Variants in NFE2L3 observed in about 807,000 individuals in gnomAD.
NFE2L3 encodes the protein NFE2 like bZIP transcription factor 3, also known as nuclear factor erythroid 2-related factor 3.
NFE2L3 carries 18 observed loss-of-function variants against 23.5 expected under a neutral mutation model. The ratio of observed to expected loss-of-function variants is 0.77; its 90% confidence interval spans 0.53 to 1.13. The LOEUF (loss-of-function observed/expected upper bound fraction) is 1.13. Ranked by LOEUF, NFE2L3 falls within the 50% of genes most tolerant of loss-of-function variation. NFE2L3 has a pLI of 0.00. For missense variants in NFE2L3, 1,152 were observed against 877.2 expected (o/e 1.31, Z -3.96); for synonymous variants, 424 against 354.5 (o/e 1.20, Z -2.20).
chr7:26,181,929 G>A (rs968991396), intron 2 of NFE2L3, among the ~76,000 whole-genome samples: 13 of 152,110 alleles, frequency 8.5e-5, no homozygotes, highest in Admixed American at 7.2e-4. Context: ...GAATATACCA[G>A]AGAAGATGCA....
chr7:26,184,419 T>C, intron 3 of NFE2L3, 114 bp from the exon 4 acceptor site: 1 of 914,786 alleles, frequency 1.1e-6, no homozygotes, highest in Non-Finnish European at 1.7e-6. Context: ...ACAGCATCTA[T>C]CTCTATTAAA....
intron 1 of NFE2L3, among the ~76,000 whole-genome samples, chr7:26,169,999 T>C (rs760359205): frequency 1.1e-4 from 17 of 152,202 alleles, no homozygotes; most frequent in Admixed American, 2.6e-4. Flanking sequence ...AGCTATGCAG[T>C]CTCTTCCCCT....
rs1782484953 is a variant in NFE2L3 at position 26,186,270 on chromosome 7, T to C, written c.*487T>C. On this transcript the variant is annotated 3_prime_UTR_variant, in exon 4 of 4. Coordinates refer to ENST00000056233, the MANE Select transcript of NFE2L3 (RefSeq NM_004289.7). ...TTATAAATTTTGCTTTCTATGGAAA[T>C]AAATTTTGTATTTGTATTAAAAATT... 6.6e-6 allele frequency: 1 copy of C among 152,210 alleles called. No homozygotes were observed. The highest frequency in any genetic ancestry group is 2.4e-5 in the African/African-American group (1 of 41,470). The allele number at this position is 152,210 out of a possible 1,614,324, so 9.4% of individuals were successfully genotyped here. A position where few individuals can be genotyped will look rare whatever the true frequency, so the allele number is the denominator to read the frequency against.
chr7:26,180,554 CTTCCCTGAGTA>C (rs1784489492), intron 2 of NFE2L3, among the ~76,000 whole-genome samples: 1 of 152,218 alleles, frequency 6.6e-6, no homozygotes, highest in East Asian at 1.9e-4. Context: ...TTTCTGCCCA[CTTCCCTGAGTA>C]TTCACAGCTC....
In NFE2L3 at chr7:26,176,762, T is replaced by A. The variant is rs28593398; in HGVS notation, c.571-1181T>A. ...GCAGCCGGGCAGAGGCGCTCCTCAC[T>A]TCCCAGACGGGGTGGCCAGGCAGAG... On this transcript the variant is annotated intron_variant, in intron 1 of 3. Transcript: ENST00000056233. Among the ~76,000 whole-genome samples, 509 of 55,384 alleles carry A rather than the reference T, an allele frequency of 9.2e-3. 15 individuals carry two copies. Among genetic ancestry groups the A allele is most frequent in the South Asian group, 0.028 (33 of 1,162 alleles). The allele number at this position is 55,384 out of a possible 152,430, so 36.3% of individuals were successfully genotyped here. A position where few individuals can be genotyped will look rare whatever the true frequency, so the allele number is the denominator to read the frequency against.
intron 2 of NFE2L3, among the ~76,000 whole-genome samples, 165 bp downstream of exon 2, chr7:26,178,287 G>A (rs866940624): frequency 2.8e-4 from 42 of 152,198 alleles, no homozygotes; most frequent in African/African-American, 8.9e-4. Context: ...GTAGTAATTT[G>A]ATTTATAAAT....
chr7:26,173,795 G>A (rs895168458), intron 1 of NFE2L3: 3 of 152,172 alleles, frequency 2.0e-5, no homozygotes, highest in African/African-American at 4.8e-5. Context: ...TCTGGGTTAC[G>A]AAGTGGCCAA....
intron 1 of NFE2L3, among the ~76,000 whole-genome samples, chr7:26,169,464 G>A (rs1790523207): frequency 6.6e-6 from 1 of 152,206 alleles, no homozygotes; most frequent in African/African-American, 2.4e-5. Context: ...TGGGATGTGG[G>A]CACACTGGGA....
At chr7:26,175,354 A>C (rs1419393589) in intron 1 of NFE2L3, among the ~76,000 whole-genome samples, 1 of 151,102 alleles carries the variant, frequency 6.6e-6, no homozygotes, top group Non-Finnish European at 1.5e-5. Context: ...AGTGAGACTC[A>C]AAAAAATAAA....
At chr7:26,165,014 G>T (rs1236257992) in intron 1 of NFE2L3, among the ~76,000 whole-genome samples, 2 of 152,176 alleles carry the variant, frequency 1.3e-5, no homozygotes, top group Admixed American at 6.5e-5. Flanking sequence ...CTATATCTCT[G>T]TTTTGGTACC....
intron 1 of NFE2L3, among the ~76,000 whole-genome samples, chr7:26,168,579 A>G (rs959208109): frequency 6.7e-6 from 1 of 149,412 alleles, no homozygotes; most frequent in African/African-American, 2.4e-5. Flanking sequence ...GAGAGAGATT[A>G]TAGATATATT....
rs919459920 is a variant in NFE2L3, at chr7:26,152,651, C to G, written c.153C>G (p.Gly51=). The G allele has an allele frequency of 1.3e-6, 2 of 1,507,186 alleles. No homozygotes were observed. The highest frequency in any genetic ancestry group is 8.8e-7 in the Non-Finnish European group (1 of 1,136,544). The allele number at this position is 1,507,186 out of a possible 1,614,324, so 93.4% of individuals were successfully genotyped here. A position where few individuals can be genotyped will look rare whatever the true frequency, so the allele number is the denominator to read the frequency against. ...LLQDELLFLG[G]PASSAYALSP... is the part of the protein sequence containing the mutation. ...AGGACGAGCTGCTGTTCCTGGGCGG[C>G]CCGGCCAGCTCCGCCTACGCGCTCA... The change falls in exon 1 of 4, where the codon GGC becomes GGG. Residue 51 remains glycine (G), a synonymous_variant. Coordinates refer to ENST00000056233, the MANE Select transcript of NFE2L3 (RefSeq NM_004289.7). This position sits in a 1 kb window ranked among gnomAD's most constrained non-coding sequence, Gnocchi z 4.4.
At chr7:26,181,444 G>C (rs1784507193) in intron 2 of NFE2L3, among the ~76,000 whole-genome samples, 1 of 152,134 alleles carries the variant, frequency 6.6e-6, no homozygotes, top group Non-Finnish European at 1.5e-5. Flanking sequence ...CTAGGAAATG[G>C]GGACTGGTAC....
Position 26,161,778 on chromosome 7 carries a change from G to A in NFE2L3, c.570+8710G>A, listed in dbSNP as rs145745065. On this transcript the variant is annotated intron_variant, in intron 1 of 3. Coordinates refer to ENST00000056233, the MANE Select transcript of NFE2L3 (RefSeq NM_004289.7). The stretch of plus-strand genomic sequence containing the variant: ...TCTCTCTGGATGGGGGTGGAGGTAG[G>A]TTGGGGAATGGGGATCTAGCATGCA... Among the ~76,000 whole-genome samples the A allele has an allele frequency of 3.3e-3, 509 of 152,150 alleles. 1 individual carries two copies. Among genetic ancestry groups the A allele is most frequent in the African/African-American group, 0.012 (487 of 41,502 alleles).
intron 1 of NFE2L3, among the ~76,000 whole-genome samples, 172 bp downstream of exon 1, chr7:26,153,240 G>C (rs1784027262): frequency 6.6e-6 from 1 of 152,264 alleles, no homozygotes; most frequent in Non-Finnish European, 1.5e-5. Context: ...AGGGCTACTA[G>C]TGCTGTCGCT....
chr7:26,172,537 C>G (rs945938802), intron 1 of NFE2L3, among the ~76,000 whole-genome samples: 11 of 152,178 alleles, frequency 7.2e-5, no homozygotes, highest in African/African-American at 2.7e-4. Flanking sequence ...AGTCCATTTT[C>G]AGAATCTGTC....
rs937212300 is a variant in NFE2L3, at chr7:26,183,762, C to A, written c.812C>A (p.Ser271Ter). 1.2e-6 allele frequency: 2 copies of A among 1,612,888 alleles called. No individual in the cohort carries two copies. The highest frequency in any genetic ancestry group is 1.7e-6 in the Non-Finnish European group (2 of 1,178,844). ...SLEDLFQLLSSQPENSLEGIS... is the reference protein window; with the variant it reads ...SLEDLFQLLS ...GAAGACTTATTCCAGTTGCTTTCAT[C>A]ACAGCCTGAAAATTCACTGGAGGTA... Residue 271 changes from serine to a stop codon, truncating the protein, a stop_gained, in exon 3 of 4, where the codon TCA becomes TAA. Coordinates refer to ENST00000056233, the MANE Select transcript of NFE2L3 (RefSeq NM_004289.7). LOFTEE classifies it low-confidence loss of function (END_TRUNC).
In NFE2L3 at chr7:26,178,071, A is replaced by G; in HGVS notation, c.699A>G (p.Ile233Met). ...AGAATGATGATGATGAAAACAAAAT[A>G]GCAGAGAAACCTGACTGGGAGGCAG... Reference protein sequence around the residue: ...LQQNDDDENKIAEKPDWEAEK... With the variant: ...LQQNDDDENKMAEKPDWEAEK... The change falls in exon 2 of 4, where the codon ATA (isoleucine) becomes ATG (methionine). Residue 233 changes from isoleucine to methionine, a missense_variant. Transcript: ENST00000056233. The G allele has an allele frequency of 1.2e-6, 2 of 1,614,110 alleles. No homozygotes were observed. The highest frequency in any genetic ancestry group is 2.2e-5 in the East Asian group (1 of 44,878).
Position 26,152,375 on chromosome 7 carries a change from T to C in NFE2L3, c.-124T>C, listed in dbSNP as rs1784009370. On this transcript the variant is annotated 5_prime_UTR_variant, in exon 1 of 4. Coordinates refer to ENST00000056233, the MANE Select transcript of NFE2L3 (RefSeq NM_004289.7). This position sits in a 1 kb window ranked among gnomAD's most constrained non-coding sequence, Gnocchi z 4.4. ...ACGGCCGCCACGCGCCCCGGTCCAT[T>C]GTTTCGCTTATCTGGGTTCCAGGCA... 1 of 616,420 alleles carries C rather than the reference T, an allele frequency of 1.6e-6. No individual in the cohort carries two copies. The highest frequency in any genetic ancestry group is 8.0e-5 in the South Asian group (1 of 12,508). The allele number at this position is 616,420 out of a possible 1,614,324, so 38.2% of individuals were successfully genotyped here.
Sources: allele counts gnomAD v4.1 joint callset (sites outside exome capture counted in the v4.1 genomes callset), GRCh38; gene constraint gnomAD v4.1.1; non-coding constraint Gnocchi (gnomAD v3.1); transcripts MANE v1.5; gene names NCBI Gene and HGNC (gene_info 2026-07-23, HGNC 2026-07-21).